R3HCC1L: variants seen among roughly 807,000 people sequenced by gnomAD.
R3HCC1L encodes coiled-coil domain-containing protein R3HCC1L.
In R3HCC1L, 51 loss-of-function variants were observed where a neutral mutation model predicts 59.9. That is an observed-to-expected ratio of 0.85 (90% CI 0.68 to 1.07). The LOEUF (loss-of-function observed/expected upper bound fraction) is 1.07, where lower values mean the gene tolerates loss of function less well. Ranked by LOEUF, R3HCC1L falls within the 50% of genes least tolerant of loss-of-function variation. The probability of loss-of-function intolerance (pLI) is 0.00; values close to 1 mark genes in which losing one functional copy is unlikely to be tolerated. For synonymous variants in R3HCC1L, 322 were observed against 315.2 expected, an observed-to-expected ratio of 1.02 and a Z score of -0.23; for missense variants, 965 against 933.0, an observed-to-expected ratio of 1.03 and a Z score of -0.45.
intron 4 of R3HCC1L, among the ~76,000 whole-genome samples, chr10:98,207,837 G>C (rs906888778): frequency 6.6e-6 from 1 of 151,864 alleles, no homozygotes; most frequent in African/African-American, 2.4e-5. Flanking sequence ...GATGAAACCC[G>C]GTCTCTACCA....
chr10:98,148,866 T>C (rs1845899879), intron 1 of R3HCC1L, among the ~76,000 whole-genome samples: 1 of 152,196 alleles, frequency 6.6e-6, no homozygotes. Flanking sequence ...GGTTTTGGAA[T>C]CAGGGTAATG....
intron 6 of R3HCC1L, among the ~76,000 whole-genome samples, chr10:98,232,852 T>C (rs1856541278): frequency 6.6e-6 from 1 of 152,150 alleles, no homozygotes; most frequent in Non-Finnish European, 1.5e-5. Flanking sequence ...TAAAAAGAAG[T>C]GTTCTGTTTT....
At chr10:98,145,213 G>C (rs1845539272) in intron 1 of R3HCC1L, among the ~76,000 whole-genome samples, 1 of 152,242 alleles carries the variant, frequency 6.6e-6, no homozygotes, top group Non-Finnish European at 1.5e-5. Flanking sequence ...AGCTCAAGTA[G>C]AGGGAATTGC....
chr10:98,151,143 C>T (rs578083861), intron 1 of R3HCC1L, among the ~76,000 whole-genome samples: 1 of 152,272 alleles, frequency 6.6e-6, no homozygotes, highest in South Asian at 2.1e-4. Flanking sequence ...ATAATCTCAG[C>T]ACTTTGTATT....
chr10:98,239,307 T>G (rs2135740772), intron 9 of R3HCC1L, among the ~76,000 whole-genome samples: 1 of 152,380 alleles, frequency 6.6e-6, no homozygotes, highest in South Asian at 2.1e-4. Context: ...GCAGATATTG[T>G]TAAATCAGTC....
At chr10:98,148,948 T>G (rs1424833592) in intron 1 of R3HCC1L, among the ~76,000 whole-genome samples, 1 of 152,192 alleles carries the variant, frequency 6.6e-6, no homozygotes, top group African/African-American at 2.4e-5. Context: ...GCAGAATTGG[T>G]ATTCTTTGAA....
Position 98,208,540 on chromosome 10 carries a change from A to G in R3HCC1L, c.426A>G (p.Pro142=), listed in dbSNP as rs1339372924. 6.2e-7 allele frequency: 1 copy of G among 1,614,160 alleles called. No individual in the cohort carries two copies. Among genetic ancestry groups the G allele is most frequent in the South Asian group, 1.1e-5 (1 of 91,078 alleles). ...TNAPLQRHFK[P]KKVECLEVET... ...CACCTTTGCAGAGACATTTTAAACC[A>G]AAGAAGGTGGAGTGTTTGGAAGTTG... is the stretch of plus-strand genomic sequence containing the variant. The change falls in exon 5 of 10, where the codon CCA becomes CCG. Residue 142 remains proline, a synonymous_variant. Coordinates refer to ENST00000298999, the MANE Select transcript of R3HCC1L (RefSeq NM_001351015.2).
chr10:98,137,487 G>C (rs1390805140), intron 1 of R3HCC1L, among the ~76,000 whole-genome samples: 3 of 152,094 alleles, frequency 2.0e-5, no homozygotes, highest in Non-Finnish European at 4.4e-5. Context: ...GATAATTTTA[G>C]GTATTTTCCT....
chr10:98,135,195 C>T (rs1160129628), intron 1 of R3HCC1L, among the ~76,000 whole-genome samples: 1 of 152,234 alleles, frequency 6.6e-6, no homozygotes, highest in Non-Finnish European at 1.5e-5. Context: ...GCATGTACTT[C>T]CTGCTTTTTC....
At chr10:98,187,268 GA>G (rs1452585563) in intron 4 of R3HCC1L, among the ~76,000 whole-genome samples, 6 of 151,942 alleles carry the variant, frequency 3.9e-5, no homozygotes, top group Non-Finnish European at 7.4e-5. Flanking sequence ...CTGAAAATCT[GA>G]AATCTGAAAT....
chr10:98,213,788 T>C (rs1853860610), intron 5 of R3HCC1L, among the ~76,000 whole-genome samples: 1 of 152,172 alleles, frequency 6.6e-6, no homozygotes, highest in African/African-American at 2.4e-5. Context: ...TCACAATATC[T>C]TTTAAAAGTT....
intron 9 of R3HCC1L, among the ~76,000 whole-genome samples, chr10:98,241,286 A>C (rs192312845): frequency 3.3e-5 from 5 of 152,222 alleles, no homozygotes; most frequent in African/African-American, 1.2e-4. Flanking sequence ...ATCTAGAATA[A>C]ATTTTGAAAG....
At chr10:98,229,592 C>T (rs1856110931) in intron 5 of R3HCC1L, among the ~76,000 whole-genome samples, 1 of 152,176 alleles carries the variant, frequency 6.6e-6, no homozygotes. Flanking sequence ...TGCCTGATTG[C>T]CCTAGCCAGA....
rs746645866 is a variant in R3HCC1L, at chr10:98,231,548, G to A, written c.1822G>A (p.Glu608Lys). The A allele has an allele frequency of 6.2e-7, 1 of 1,612,910 alleles. No individual in the cohort carries two copies. The highest frequency in any genetic ancestry group is 1.7e-5 in the Admixed American group (1 of 59,756). The change falls in exon 6 of 10, where the codon GAA (glutamate) becomes AAA (lysine). Residue 608 changes from glutamate (E) to lysine (K), a missense_variant. Physicochemically the swap from Glu to Lys is moderately conservative, Grantham distance 56. Transcript: ENST00000298999. Reference sequence around the variant, plus strand: ...TACCAAGAGCAGAGAGAGCATCCAGGAACCTAGATCTGATTACTACAATCA... The same window carrying A: ...TACCAAGAGCAGAGAGAGCATCCAGAAACCTAGATCTGATTACTACAATCA... The part of the protein sequence containing the change: ...GNTKSRESIQ[E>K]PRSDYYNHEV...
intron 4 of R3HCC1L, among the ~76,000 whole-genome samples, chr10:98,189,835 A>T (rs1164784428): frequency 6.6e-6 from 1 of 152,206 alleles, no homozygotes; most frequent in Non-Finnish European, 1.5e-5. Flanking sequence ...TTTTTATGTT[A>T]TTATATCACA....
At chr10:98,142,061 A>G (rs1306320511) in intron 1 of R3HCC1L, among the ~76,000 whole-genome samples, 1 of 152,216 alleles carries the variant, frequency 6.6e-6, no homozygotes, top group Non-Finnish European at 1.5e-5. Context: ...TTGTTAAAAA[A>G]TTTGTACTAA....
intron 9 of R3HCC1L, among the ~76,000 whole-genome samples, chr10:98,241,131 A>G (rs1328014649): frequency 6.6e-6 from 1 of 152,188 alleles, no homozygotes; most frequent in East Asian, 1.9e-4. Context: ...TTAAGAGGTT[A>G]TTTAGATTAC....
chr10:98,146,214 A>G (rs373096912), intron 1 of R3HCC1L, among the ~76,000 whole-genome samples: 4 of 152,178 alleles, frequency 2.6e-5, no homozygotes, highest in Non-Finnish European at 5.9e-5. Context: ...TAATTTGCAT[A>G]CTATACAATT....
intron 9 of R3HCC1L, among the ~76,000 whole-genome samples, chr10:98,243,078 T>G (rs1249081645): frequency 2.0e-5 from 3 of 151,900 alleles, no homozygotes; most frequent in African/African-American, 7.2e-5. Flanking sequence ...CCAGTCAGCT[T>G]CATAACTAAC....
Sources: allele counts gnomAD v4.1 joint callset (sites outside exome capture counted in the v4.1 genomes callset), GRCh38; gene constraint gnomAD v4.1.1; transcripts MANE v1.5; gene names NCBI Gene and HGNC (gene_info 2026-07-23, HGNC 2026-07-21).